The following LY96 variants were observed in gnomAD, a reference collection of about 807,000 sequenced individuals.
LY96 encodes lymphocyte antigen 96.
LY96 carries 18 observed loss-of-function variants against 18.9 expected under a neutral mutation model. That is an observed-to-expected ratio of 0.95 (90% confidence interval 0.66 to 1.41). The LOEUF is 1.41. Among genes scored for constraint, LY96 ranks in the 40% most tolerant of loss-of-function variants. The pLI is 0.00. For synonymous variants in LY96, 66 were observed against 62.6 expected (o/e 1.06, Z -0.26); for missense variants, 175 against 182.4 (o/e 0.96, Z 0.23).
At chr8:74,083,803 T>C in the LY96 span, among the ~76,000 whole-genome samples, 1 of 152,078 alleles carries the variant, frequency 6.6e-6, no homozygotes, top group Non-Finnish European at 1.5e-5. Flanking sequence ...GTGATCCTCC[T>C]GCCTTAGCCT....
chr8:74,079,712 T>C, the LY96 span: 1 of 152,170 alleles, frequency 6.6e-6, no homozygotes, highest in Non-Finnish European at 1.5e-5. Flanking sequence ...GGATTTTTTT[T>C]TTCGAAACAG....
chr8:74,060,334 T>TA, the LY96 span, among the ~76,000 whole-genome samples: 3 of 152,194 alleles, frequency 2.0e-5, no homozygotes, highest in African/African-American at 7.2e-5. Flanking sequence ...TTAGCAAAGT[T>TA]AAAAAAATCT....
intron 1 of LY96, among the ~76,000 whole-genome samples, chr8:73,997,037 G>A (rs1554600819): frequency 1.3e-5 from 2 of 152,044 alleles, no homozygotes; most frequent in Non-Finnish European, 2.9e-5. Flanking sequence ...AAGCCACCAT[G>A]CCTGGTCTGT....
intron 2 of LY96, among the ~76,000 whole-genome samples, chr8:74,007,443 G>A (rs1337214979): frequency 6.6e-6 from 1 of 152,160 alleles, no homozygotes; most frequent in African/African-American, 2.4e-5. Context: ...GCGCAATTAT[G>A]TTTCCATAGA....
the LY96 span, among the ~76,000 whole-genome samples, chr8:74,065,072 CA>C: frequency 1.3e-5 from 2 of 152,188 alleles, no homozygotes; most frequent in African/African-American, 4.8e-5. Context: ...GATGCCCAGC[CA>C]TGACTTCAAC....
intron 3 of LY96, among the ~76,000 whole-genome samples, chr8:74,011,986 A>G (rs1816542738): frequency 1.3e-5 from 2 of 152,252 alleles, no homozygotes; most frequent in African/African-American, 2.4e-5. Context: ...TAAAGTTGCA[A>G]TGAGATATCA....
intron 1 of LY96, among the ~76,000 whole-genome samples, chr8:73,998,691 C>CA (rs60367712): frequency 0.19 from 28,420 of 151,064 alleles, 3,219 homozygotes; most frequent in African/African-American, 0.32. Context: ...TCTTCTCTCT[C>CA]AAAAAAAAGG....
the LY96 span, among the ~76,000 whole-genome samples, chr8:74,054,313 C>T: frequency 6.6e-6 from 1 of 152,086 alleles, no homozygotes; most frequent in African/African-American, 2.4e-5. Context: ...CAGGCATGAG[C>T]AACCGTGCTT....
At position 74,026,797 on chromosome 8, in the gene LY96, A is replaced by G; in HGVS notation, c.340A>G (p.Asn114Asp). 1 of 1,530,268 alleles carries G rather than the reference A, an allele frequency of 6.5e-7. No individual in the cohort carries two copies. Among genetic ancestry groups the G allele is most frequent in the African/African-American group, 1.4e-5 (1 of 73,424 alleles). The allele number at this position is 1,530,268 out of a possible 1,614,324, so 94.8% of individuals were successfully genotyped here. Residue 114 changes from asparagine (N) to aspartate (D), a missense_variant, in exon 4 of 5, where the codon AAT (asparagine) becomes GAT (aspartate). Physicochemically the swap from Asn to Asp is conservative, Grantham distance 23. Transcript: ENST00000284818. ...FCRALKGETV[N>D]TTISFSFKGI... is the part of the protein sequence containing the mutation. The stretch of plus-strand genomic sequence containing the variant: ...TTATATTTTGTTTGCAGAGACTGTG[A>G]ATACAACAATATCATTCTCCTTCAA...
chr8:74,001,151 A>T (rs1816255440), intron 1 of LY96, among the ~76,000 whole-genome samples: 1 of 152,112 alleles, frequency 6.6e-6, no homozygotes, highest in Non-Finnish European at 1.5e-5. Context: ...ATTGAATCAC[A>T]TATAACAACT....
intron 4 of LY96, among the ~76,000 whole-genome samples, chr8:74,028,236 C>CTTAGTATTAGTATTAGTA: frequency 6.6e-6 from 1 of 152,146 alleles, no homozygotes; most frequent in South Asian, 2.1e-4. Context: ...CACACCCAGC[C>CTTAGTATTAGTATTAGTA]TTAGTATTAG....
chr8:74,039,629 T>C, the LY96 span, among the ~76,000 whole-genome samples: 2 of 152,102 alleles, frequency 1.3e-5, no homozygotes, highest in African/African-American at 2.4e-5. Context: ...AAGCAAGTCA[T>C]GTGATCATAG....
chr8:74,004,734 A>C (rs1441110241), intron 1 of LY96, 62 bp from the exon 2 acceptor site: 2 of 1,406,764 alleles, frequency 1.4e-6, no homozygotes, highest in Non-Finnish European at 2.0e-6. Context: ...TGATATTCAG[A>C]ATACTATACT....
chr8:74,030,768 G>T (rs1816956527), downstream of LY96, among the ~76,000 whole-genome samples: 1 of 152,190 alleles, frequency 6.6e-6, no homozygotes. Flanking sequence ...GAGCAGAGGA[G>T]CAGACTCCAA....
At chr8:74,015,433 T>C (rs1816621701) in intron 3 of LY96, among the ~76,000 whole-genome samples, 1 of 152,200 alleles carries the variant, frequency 6.6e-6, no homozygotes, top group Admixed American at 6.5e-5. Flanking sequence ...AGGCATGTCT[T>C]GCCTTGTAGA....
chr8:74,076,055 C>A, the LY96 span, among the ~76,000 whole-genome samples: 57 of 152,034 alleles, frequency 3.7e-4, 2 homozygotes, highest in Admixed American at 1.2e-3. Context: ...ATAGCTGGAC[C>A]TTTTTACCCC....
intron 3 of LY96, among the ~76,000 whole-genome samples, chr8:74,023,671 C>G (rs978685348): frequency 6.6e-6 from 1 of 152,044 alleles, no homozygotes; most frequent in Non-Finnish European, 1.5e-5. Context: ...TCTCTTTCTC[C>G]GTTCAAATTT....
intron 4 of LY96, among the ~76,000 whole-genome samples, chr8:74,027,649 T>G (rs1016595166): frequency 8.5e-5 from 13 of 152,192 alleles, no homozygotes; most frequent in African/African-American, 3.1e-4. Context: ...CTTTTATTTC[T>G]GTAACTGGTT....
At chr8:74,037,079 A>G in the LY96 span, among the ~76,000 whole-genome samples, 3 of 152,314 alleles carry the variant, frequency 2.0e-5, no homozygotes, top group East Asian at 5.8e-4. Flanking sequence ...TCTGATGTAC[A>G]ACACATTTCT....
Sources: allele counts gnomAD v4.1 joint callset (sites outside exome capture counted in the v4.1 genomes callset), GRCh38; gene constraint gnomAD v4.1.1; transcripts MANE v1.5; gene names NCBI Gene and HGNC (gene_info 2026-07-23, HGNC 2026-07-21).